The following PKM variants were observed in gnomAD, a reference collection of about 807,000 sequenced individuals.
PKM encodes pyruvate kinase PKM.
PKM carries 18 observed loss-of-function variants against 49.8 expected under a neutral mutation model. The ratio of observed to expected loss-of-function variants is 0.36; its 90% CI spans 0.25 to 0.54. The LOEUF is 0.54. Among genes scored for constraint, PKM ranks in the 20% least tolerant of loss-of-function variants. The pLI is 0.89. For missense variants in PKM, 508 were observed against 713.8 expected, an observed-to-expected ratio of 0.71 and a Z score of 3.28; for synonymous variants, 239 against 261.8, an observed-to-expected ratio of 0.91 and a Z score of 0.84.
chr15:72,218,088 C>T (rs148339326), intron 2 of PKM, among the ~76,000 whole-genome samples: 22 of 152,038 alleles, frequency 1.4e-4, no homozygotes, highest in African/African-American at 5.3e-4. Flanking sequence ...GTGGTGAGAA[C>T]ATTTGAAATT....
At position 72,209,712 on chromosome 15, in the gene PKM, C is replaced by A; in HGVS notation, c.526G>T (p.Val176Leu). The change falls in exon 5 of 11, where the codon GTG becomes TTG. Residue 176 changes from valine (V) to leucine (L), a missense_variant. Physicochemically the swap from Val to Leu is conservative, Grantham distance 32. Transcript: ENST00000335181. ...KVVEVGSKIY[V>L]DDGLISLQVK... Reference sequence around the variant, plus strand: ...TGGAGAGAAATAAGCCCATCATCCACGTAGATCTTGCTGCCCACTTCCACC... The same window carrying A: ...TGGAGAGAAATAAGCCCATCATCCAAGTAGATCTTGCTGCCCACTTCCACC... 1 of 1,613,986 alleles carries A rather than the reference C, an allele frequency of 6.2e-7. No homozygotes were observed. The highest frequency in any genetic ancestry group is 8.5e-7 in the Non-Finnish European group (1 of 1,180,006).
chr15:72,217,898 A>G (rs757634728), intron 2 of PKM, among the ~76,000 whole-genome samples: 15 of 152,360 alleles, frequency 9.8e-5, no homozygotes, highest in Non-Finnish European at 2.1e-4. Flanking sequence ...AATTTTGCCT[A>G]TAGCATAAAA....
intron 1 of PKM, among the ~76,000 whole-genome samples, chr15:72,222,785 T>C (rs1308203297): frequency 6.6e-6 from 1 of 152,150 alleles, no homozygotes; most frequent in East Asian, 1.9e-4. Context: ...GTCTCCTCTG[T>C]GAGAAAGGAG....
chr15:72,219,375 G>C (rs1212478145), intron 1 of PKM: 2 of 384,944 alleles, frequency 5.2e-6, no homozygotes, highest in Non-Finnish European at 9.6e-6. Flanking sequence ...CCCACAGTAA[G>C]CAGGTCTCTC....
At position 72,199,315 on chromosome 15, in the gene PKM, C is replaced by A. The variant is rs1339380706; in HGVS notation, c.*335G>T. ...AAGCCAGGGTTGGGAGTCCTCTGGG[C>A]ATCCATTTTTTCTAAAGGAACTGGA... On this transcript the variant is annotated 3_prime_UTR_variant, in exon 11 of 11. Coordinates refer to ENST00000335181, the MANE Select transcript of PKM (RefSeq NM_002654.6). 2 of 455,794 alleles carry A rather than the reference C, an allele frequency of 4.4e-6. No individual in the cohort carries two copies. The highest frequency in any genetic ancestry group is 2.9e-5 in the Admixed American group (1 of 34,756). 28.2% of individuals were successfully genotyped at this position (455,794 alleles called of 1,614,324 possible).
rs762116180 is a variant in PKM, at chr15:72,208,741, A to C, written c.716T>G (p.Met239Arg). Residue 239 changes from methionine to arginine, a missense_variant, in exon 6 of 11, where the codon ATG becomes AGG. Physicochemically the swap from Met to Arg is moderately conservative, Grantham distance 91 (BLOSUM62 -1). Coordinates refer to ENST00000335181, the MANE Select transcript of PKM (RefSeq NM_002654.6). ...LKFGVEQDVD[M>R]VFASFIRKAS... ...CTTGCGGATGAATGACGCAAACACC[A>C]TATCAACATCCTGCTCGACCCCAAA... 2.5e-6 allele frequency: 4 copies of C among 1,613,984 alleles called. No individual in the cohort carries two copies. The African/African-American group carries it at 4.0e-5, about 16-fold the overall frequency.
At chr15:72,209,083 T>G in intron 5 of PKM, 192 bp from the exon 6 acceptor site, 2 of 643,672 alleles carry the variant, frequency 3.1e-6, no homozygotes, top group Non-Finnish European at 5.5e-6. Context: ...TACCTCACTT[T>G]CCTCACCCAT....
intron 1 of PKM, chr15:72,221,103 T>G: frequency 1.1e-6 from 1 of 899,036 alleles, no homozygotes; most frequent in South Asian, 1.4e-5. Flanking sequence ...TGGCTCTTCT[T>G]AGACCTGAGA....
intron 1 of PKM, 48 bp downstream of exon 1, chr15:72,231,068 G>A: frequency 1.4e-6 from 1 of 720,210 alleles, no homozygotes; most frequent in Non-Finnish European, 2.1e-6. Flanking sequence ...CTAGCCGGGC[G>A]ACTGGCCCTT....
chr15:72,209,855 C>A lies in PKM; in HGVS notation c.383G>T (p.Gly128Val). 1 of 1,613,868 alleles carries A rather than the reference C, an allele frequency of 6.2e-7. No individual in the cohort carries two copies. Residue 128 changes from glycine (G) to valine (V), a missense_variant, in exon 5 of 11, where the codon GGC becomes GTC. Transcript: ENST00000335181. ...CTTCTTCAGCTCCACCTCTGCAGTG[C>A]CGCTCTAGGGACAAGAGAGTAAGCA... ...EIRTGLIKGSGTAEVELKKGA... is the reference protein window; with the variant it reads ...EIRTGLIKGSVTAEVELKKGA...
At chr15:72,213,119 G>A (rs766399976) in intron 3 of PKM, among the ~76,000 whole-genome samples, 5 of 151,758 alleles carry the variant, frequency 3.3e-5, no homozygotes, top group Non-Finnish European at 5.9e-5. Flanking sequence ...ACTTAATCCC[G>A]ATGTAGAATT....
In PKM at chr15:72,202,248, G is replaced by C. The variant is rs1410270840; in HGVS notation, c.1307+206C>G. ...AATTTGCTTTTGATCCAAATGTTCT[G>C]ACATTCCTTATGAGTGCTACCTAGA... On this transcript the variant is annotated intron_variant, in intron 9 of 10. Coordinates refer to ENST00000335181, the MANE Select transcript of PKM (RefSeq NM_002654.6). This position sits in a 1 kb window ranked among gnomAD's most constrained non-coding sequence, Gnocchi z 4.5. 6.7e-6 allele frequency: 4 copies of C among 600,988 alleles called. No individual in the cohort carries two copies. Among genetic ancestry groups the C allele is most frequent in the African/African-American group, 1.9e-5 (1 of 53,852 alleles). The allele number at this position is 600,988 out of a possible 1,614,324, so 37.2% of individuals were successfully genotyped here. A position where few individuals can be genotyped will look rare whatever the true frequency, so the allele number is the denominator to read the frequency against.
Position 72,206,635 on chromosome 15 carries a change from G to A in PKM, c.1140+93C>T, listed in dbSNP as rs2082085580. Reference sequence around the variant, plus strand: ...GATAATGAAAGGCTGTGCATAAGAGGATGGAGAAACCTAAAAAGCTCTGCA... The same window carrying A: ...GATAATGAAAGGCTGTGCATAAGAGAATGGAGAAACCTAAAAAGCTCTGCA... On this transcript the variant is annotated intron_variant, in intron 8 of 10. Transcript: ENST00000335181. 3.6e-5 allele frequency: 45 copies of A among 1,257,036 alleles called. No individual in the cohort carries two copies. The South Asian group carries it at 5.3e-4, about 15-fold the overall frequency. 77.9% of individuals were successfully genotyped at this position (1,257,036 alleles called of 1,614,324 possible). A position where few individuals can be genotyped will look rare whatever the true frequency, so the allele number is the denominator to read the frequency against.
intron 1 of PKM, chr15:72,230,879 GA>G: frequency 7.9e-7 from 1 of 1,264,910 alleles, no homozygotes; most frequent in Non-Finnish European, 1.0e-6. Flanking sequence ...GCTGGGGCGG[GA>G]AAGGAGCCGG....
chr15:72,210,499 T>G lies in PKM; in HGVS notation c.247-21A>C, dbSNP rs1451561482. 6 of 1,613,824 alleles carry G rather than the reference T, an allele frequency of 3.7e-6. No individual in the cohort carries two copies. The Admixed American group carries it at 1.0e-4, about 27-fold the overall frequency. ...TGGTACTGGGGGAAAAGAAGGAAGATGACAAGCGTGCTCCCACACTAGAAT... is the reference window on the plus strand; with the variant it reads ...TGGTACTGGGGGAAAAGAAGGAAGAGGACAAGCGTGCTCCCACACTAGAAT... On this transcript the variant is annotated intron_variant, in intron 3 of 10. Coordinates refer to ENST00000335181, the MANE Select transcript of PKM (RefSeq NM_002654.6).
chr15:72,223,556 C>T (rs1206054081), intron 1 of PKM, among the ~76,000 whole-genome samples: 3 of 152,146 alleles, frequency 2.0e-5, no homozygotes, highest in Non-Finnish European at 4.4e-5. Context: ...CATCATGATA[C>T]GCTGGCATTC....
At chr15:72,228,122 T>C (rs1047424442) in intron 1 of PKM, among the ~76,000 whole-genome samples, 2 of 152,216 alleles carry the variant, frequency 1.3e-5, no homozygotes, top group East Asian at 1.9e-4. Context: ...ATGAAAGCAG[T>C]TGTGCTAGAC....
At chr15:72,209,611 G>T in intron 5 of PKM, 62 bp downstream of exon 5, 1 of 1,428,276 alleles carries the variant, frequency 7.0e-7, no homozygotes, top group Non-Finnish European at 9.9e-7. Context: ...TCTTCCTTGT[G>T]TCAAGGAAGT....
chr15:72,230,974 G>C lies in PKM; in HGVS notation c.-14+142C>G, dbSNP rs180716407. 0.012 allele frequency: 14,936 copies of C among 1,285,136 alleles called. 118 individuals are homozygous for C. The highest frequency in any genetic ancestry group is 0.014 in the Non-Finnish European group (13,579 of 986,244). 79.6% of individuals were successfully genotyped at this position (1,285,136 alleles called of 1,614,324 possible). A position where few individuals can be genotyped will look rare whatever the true frequency, so the allele number is the denominator to read the frequency against. ...CGTGAGGAGCCGTTCTCCTCTCTCT[G>C]AGCTCCACTGCATCCCAGACGCCCT... On this transcript the variant is annotated intron_variant, in intron 1 of 10. Transcript: ENST00000335181.
Sources: allele counts gnomAD v4.1 joint callset (sites outside exome capture counted in the v4.1 genomes callset), GRCh38; gene constraint gnomAD v4.1.1; non-coding constraint Gnocchi (gnomAD v3.1); transcripts MANE v1.5; gene names NCBI Gene and HGNC (gene_info 2026-07-23, HGNC 2026-07-21).